The following CRACR2A variants were observed in gnomAD, a reference collection of about 807,000 sequenced individuals.
CRACR2A encodes the protein EF-hand calcium-binding domain-containing protein 4B.
CRACR2A carries 79 observed loss-of-function variants against 90.5 expected under a neutral mutation model. That is an observed-to-expected ratio of 0.87 (90% confidence interval 0.73 to 1.05). CRACR2A has a LOEUF of 1.05. CRACR2A is among the 50% of genes least tolerant of loss of function. The pLI is 0.00. For synonymous variants in CRACR2A, 338 were observed against 356.7 expected (o/e 0.95, Z 0.59); for missense variants, 823 against 897.2 (o/e 0.92, Z 1.06).
intron 4 of CRACR2A, among the ~76,000 whole-genome samples, chr12:3,695,629 G>T (rs766977110): frequency 2.0e-5 from 3 of 152,158 alleles, no homozygotes; most frequent in Non-Finnish European, 4.4e-5. Flanking sequence ...CCTAATGAGG[G>T]TCCCCATTTC....
intron 1 of CRACR2A, among the ~76,000 whole-genome samples, chr12:3,743,569 C>T (rs1377125721): frequency 6.6e-6 from 1 of 152,186 alleles, no homozygotes; most frequent in Admixed American, 6.5e-5. Flanking sequence ...GGTGTCTATA[C>T]CGGGACTAGG....
intron 1 of CRACR2A, among the ~76,000 whole-genome samples, chr12:3,751,689 G>C (rs368853267): frequency 6.6e-6 from 1 of 152,010 alleles, no homozygotes; most frequent in Non-Finnish European, 1.5e-5. Context: ...CGCCCTCTGC[G>C]AGTCACTCCT....
chr12:3,656,537 C>G, intron 8 of CRACR2A, 131 bp from the exon 9 acceptor site: 1 of 753,726 alleles, frequency 1.3e-6, no homozygotes, highest in Non-Finnish European at 2.3e-6. Flanking sequence ...TTTCCCACAG[C>G]ACTGCAGGGC....
At chr12:3,697,639 C>T (rs772062404) in intron 3 of CRACR2A, among the ~76,000 whole-genome samples, 67 of 152,206 alleles carry the variant, frequency 4.4e-4, no homozygotes, top group Admixed American at 7.2e-4. Context: ...AAGCTCTCCT[C>T]AGGTGGATGC....
intron 8 of CRACR2A, among the ~76,000 whole-genome samples, chr12:3,657,581 T>C (rs1944938453): frequency 1.3e-5 from 2 of 152,198 alleles, no homozygotes; most frequent in Non-Finnish European, 2.9e-5. Flanking sequence ...GAAGAACCAC[T>C]GGGACAGCCT....
intron 4 of CRACR2A, among the ~76,000 whole-genome samples, chr12:3,695,432 G>A (rs531595320): frequency 3.3e-5 from 5 of 152,222 alleles, no homozygotes; most frequent in Admixed American, 3.3e-4. Flanking sequence ...GGGCTGAGCT[G>A]GTGTTCCCCA....
Position 3,702,887 on chromosome 12 carries a change from T to C in CRACR2A, c.-36-5852A>G, listed in dbSNP as rs12579339. On this transcript the variant is annotated intron_variant, in intron 3 of 19. Coordinates refer to ENST00000440314, the MANE Select transcript of CRACR2A (RefSeq NM_001144958.2). ...ACAAACACTACCTGATTTCAAGACT[T>C]ATTATAAAGCTATAGTAGGCAAGAC... 1.9e-3 allele frequency among the ~76,000 whole-genome samples: 283 copies of C among 152,240 alleles called. 5 individuals are homozygous for C. In the East Asian group the frequency reaches 0.036, roughly 19 times the overall value.
At chr12:3,699,485 T>C (rs1447615630) in intron 3 of CRACR2A, among the ~76,000 whole-genome samples, 1 of 152,220 alleles carries the variant, frequency 6.6e-6, no homozygotes, top group Non-Finnish European at 1.5e-5. Context: ...ATGTTTTAGA[T>C]TGAGTCCTAT....
chr12:3,695,226 C>T (rs1268925624), intron 4 of CRACR2A, among the ~76,000 whole-genome samples: 1 of 152,176 alleles, frequency 6.6e-6, no homozygotes, highest in East Asian at 1.9e-4. Flanking sequence ...TTTGAAACTA[C>T]TAACACCAAC....
At chr12:3,662,026 G>A (rs1382407871) in intron 7 of CRACR2A, among the ~76,000 whole-genome samples, 1 of 152,150 alleles carries the variant, frequency 6.6e-6, no homozygotes, top group Non-Finnish European at 1.5e-5. Context: ...TTGCTGGTAT[G>A]TGAATTAAGT....
chr12:3,749,771 G>T (rs1411475453), intron 1 of CRACR2A, among the ~76,000 whole-genome samples: 1 of 149,512 alleles, frequency 6.7e-6, no homozygotes, highest in Non-Finnish European at 1.5e-5. Context: ...GCTGGTTTTT[G>T]TTGTTGTTGT....
At chr12:3,698,263 A>G (rs1945776592) in intron 3 of CRACR2A, among the ~76,000 whole-genome samples, 1 of 152,222 alleles carries the variant, frequency 6.6e-6, no homozygotes, top group Admixed American at 6.5e-5. Flanking sequence ...TTAAAAATAG[A>G]GATATGCACT....
intron 4 of CRACR2A, among the ~76,000 whole-genome samples, chr12:3,686,281 C>T (rs1440146350): frequency 6.6e-6 from 1 of 152,202 alleles, no homozygotes; most frequent in African/African-American, 2.4e-5. Context: ...CGGTCTTTGT[C>T]ACATCTACTT....
intron 4 of CRACR2A, 128 bp downstream of exon 4, chr12:3,696,644 T>C: frequency 7.4e-7 from 1 of 1,360,464 alleles, no homozygotes; most frequent in Non-Finnish European, 1.0e-6. Flanking sequence ...GGCAGATCCT[T>C]CCTTCCAAGA....
At chr12:3,655,387 C>T (rs1428832023) in intron 9 of CRACR2A, among the ~76,000 whole-genome samples, 1 of 152,182 alleles carries the variant, frequency 6.6e-6, no homozygotes, top group Non-Finnish European at 1.5e-5. Flanking sequence ...AGGAAAGAGA[C>T]CTAAATTCAT....
At position 3,648,301 on chromosome 12, in the gene CRACR2A, G is replaced by C. The variant is rs752338437; in HGVS notation, c.1118+241C>G. 9 of 1,430,114 alleles carry C rather than the reference G, an allele frequency of 6.3e-6. No individual in the cohort carries two copies. The Admixed American group carries it at 7.8e-5, about 12-fold the overall frequency. The allele number at this position is 1,430,114 out of a possible 1,614,324, so 88.6% of individuals were successfully genotyped here. A position where few individuals can be genotyped will look rare whatever the true frequency, so the allele number is the denominator to read the frequency against. ...AGTCCTGTGAGGGACTCAGAGGAGT[G>C]GGGCAGAGCCTCCCCACCAGGAGGA... On this transcript the variant is annotated intron_variant, in intron 11 of 19. Coordinates refer to ENST00000440314, the MANE Select transcript of CRACR2A (RefSeq NM_001144958.2).
At chr12:3,752,419 C>G (rs11062789) in intron 1 of CRACR2A, 86,981 of 152,934 alleles carry the variant, frequency 0.57, 25,497 homozygotes, top group Middle Eastern at 0.66. Context: ...GTCAGCACAA[C>G]GCCTCTGAGC....
At chr12:3,689,089 T>G (rs977306966) in intron 4 of CRACR2A, among the ~76,000 whole-genome samples, 1 of 152,202 alleles carries the variant, frequency 6.6e-6, no homozygotes, top group Non-Finnish European at 1.5e-5. Flanking sequence ...AGGGAGCTTT[T>G]GGGCTGAGAC....
intron 12 of CRACR2A, 37 bp downstream of exon 12, chr12:3,644,558 T>G (rs1156363896): frequency 6.5e-7 from 1 of 1,544,838 alleles, no homozygotes; most frequent in Non-Finnish European, 8.8e-7. Context: ...ACCACAGCCC[T>G]TGGTCCCCCA....
Sources: gnomAD v4.1 joint callset for allele counts (sites outside exome capture counted in the v4.1 genomes callset) on GRCh38, gnomAD v4.1.1 for gene constraint, MANE v1.5 for transcripts, NCBI Gene and HGNC (gene_info 2026-07-23, HGNC 2026-07-21) for gene names.